The following PTOV1 variants were observed in gnomAD, a reference collection of about 807,000 sequenced individuals.
PTOV1 encodes prostate tumor-overexpressed gene 1 protein.
Under a neutral mutation model 58.0 loss-of-function variants are expected in PTOV1, and 20 were observed. That is an observed-to-expected ratio of 0.34 (90% confidence interval 0.24 to 0.50). The LOEUF (loss-of-function observed/expected upper bound fraction) is 0.50, where lower values mean the gene tolerates loss of function less well. Ranked by LOEUF, PTOV1 falls within the 20% of genes least tolerant of loss-of-function variation. The pLI is 0.98. For missense variants in PTOV1, 593 were observed against 565.4 expected, an observed-to-expected ratio of 1.05 and a Z score of -0.50; for synonymous variants, 335 against 234.2, an observed-to-expected ratio of 1.43 and a Z score of -3.93.
At chr19:49,850,865 G>A (rs2074211866), upstream of PTOV1, 2 of 1,535,574 alleles carry the variant, frequency 1.3e-6, no homozygotes, top group South Asian at 2.4e-5. Context: ...CTGGCTCTGC[G>A]GGCCCAGGGC....
At chr19:49,857,458 C>T in intron 6 of PTOV1, 4 of 610,612 alleles carry the variant, frequency 6.6e-6, no homozygotes, top group South Asian at 3.9e-5. Context: ...CCAGTTGAGG[C>T]AGACTCTGCA....
At chr19:49,858,549 A>C (rs769896462) in exon 10 of PTOV1, 1 of 1,595,294 alleles carries the variant, frequency 6.3e-7, no homozygotes, top group South Asian at 1.1e-5. Flanking sequence ...TTCCCCGCAG[A>C]CCACCCTAGT....
chr19:49,855,962 C>T (rs550593765), intron 5 of PTOV1, among the ~76,000 whole-genome samples: 14 of 152,020 alleles, frequency 9.2e-5, no homozygotes, highest in African/African-American at 2.9e-4. Flanking sequence ...GGGGTGGGAG[C>T]GAGTTGTCTG....
At position 49,858,219 on chromosome 19, in the gene PTOV1, G is replaced by A. The variant is rs988214868; in HGVS notation, c.936+105G>A. 4 of 1,397,738 alleles carry A rather than the reference G, an allele frequency of 2.9e-6. No individual in the cohort carries two copies. In the African/African-American group the frequency reaches 5.7e-5, roughly 20 times the overall value. The allele number at this position is 1,397,738 out of a possible 1,614,324, so 86.6% of individuals were successfully genotyped here. On this transcript the variant is annotated intron_variant, in intron 9 of 11. Coordinates refer to ENST00000391842, the Ensembl canonical transcript of PTOV1. ...CCAGGTGGCCTGAGCTGGCTGTGAG[G>A]GAGCGGAGCTGAGGGTGCTGAAGCA...
At chr19:49,858,718 G>C in intron 10 of PTOV1, 65 bp downstream of exon 10, 2 of 1,340,300 alleles carry the variant, frequency 1.5e-6, no homozygotes, top group Non-Finnish European at 1.0e-6. Context: ...GACCGCTCAC[G>C]GGGGCGGACA....
At chr19:49,851,658 G>C in intron 1 of PTOV1, 159 bp downstream of exon 1, 1 of 1,126,092 alleles carries the variant, frequency 8.9e-7, no homozygotes, top group Non-Finnish European at 1.1e-6. Context: ...TGGAGCACCC[G>C]GTGGTTCGCG....
At chr19:49,852,473 T>C (rs2074292067) in intron 1 of PTOV1, 1 of 152,252 alleles carries the variant, frequency 6.6e-6, no homozygotes, top group Non-Finnish European at 1.5e-5. Context: ...GTGCAAGTAC[T>C]AGATGGGCTT....
chr19:49,854,308 G>T, intron 1 of PTOV1, 98 bp from the exon 2 acceptor site: 1 of 1,478,304 alleles, frequency 6.8e-7, no homozygotes. Flanking sequence ...GGGGATTTGG[G>T]GCTGAATATT....
In PTOV1 at chr19:49,854,962, G is replaced by A. The variant is rs781224439; in HGVS notation, c.451-8G>A. ...GGCTGACCCAGCTGTCTGTCCTGTC[G>A]CCCCCAGACCACCCTGGGCCCCCTG... is the stretch of plus-strand genomic sequence containing the variant. On this transcript the variant is annotated splice_polypyrimidine_tract_variant and splice_region_variant and intron_variant, in intron 4 of 11. Transcript: ENST00000391842. 63 of 1,595,130 alleles carry A rather than the reference G, an allele frequency of 3.9e-5. No individual in the cohort carries two copies. The highest frequency in any genetic ancestry group is 4.7e-5 in the Non-Finnish European group (55 of 1,172,604).
chr19:49,860,633 G>T, exon 12 of PTOV1: 1 of 451,094 alleles, frequency 2.2e-6, no homozygotes, highest in Non-Finnish European at 3.9e-6. Flanking sequence ...TTCTGAGCAG[G>T]GGCCCCTGGG....
chr19:49,858,456 G>C (rs1288943670), intron 9 of PTOV1, 93 bp from the exon 10 acceptor site: 6 of 1,009,664 alleles, frequency 5.9e-6, no homozygotes, highest in Admixed American at 4.1e-5. Context: ...GGGAGTCTCA[G>C]TTTGGTCCTG....
chr19:49,860,389 G>T (rs2074702145), exon 12 of PTOV1: 3 of 1,203,040 alleles, frequency 2.5e-6, no homozygotes, highest in Admixed American at 4.9e-5. Context: ...TGTGGGGGGG[G>T]TGGGGTTGGG....
At chr19:49,853,953 G>T (rs1326875908) in intron 1 of PTOV1, among the ~76,000 whole-genome samples, 3 of 152,246 alleles carry the variant, frequency 2.0e-5, no homozygotes, top group African/African-American at 4.8e-5. Flanking sequence ...TTCAGCCTGG[G>T]AAAGACAGGG....
chr19:49,858,777 T>G (rs1600396570), intron 10 of PTOV1, 124 bp downstream of exon 10: 2 of 820,764 alleles, frequency 2.4e-6, no homozygotes, highest in South Asian at 3.2e-5. Flanking sequence ...GGAGAGAGGG[T>G]GGCTAGTGTG....
chr19:49,859,940 G>A, intron 10 of PTOV1, 46 bp from the exon 11 acceptor site: 1 of 1,597,260 alleles, frequency 6.3e-7, no homozygotes. Context: ...GAGGGATGCT[G>A]GTCCCTGTGG....
chr19:49,851,040 G>A (rs771118517), upstream of PTOV1: 3 of 1,519,578 alleles, frequency 2.0e-6, no homozygotes, highest in South Asian at 1.2e-5. Context: ...GAGGCCCGCA[G>A]GACCGCCGAG....
At chr19:49,860,502 C>T (rs976915339) in exon 12 of PTOV1, 2 of 678,910 alleles carry the variant, frequency 2.9e-6, no homozygotes, top group East Asian at 5.5e-5. Context: ...AGCCTCAGGG[C>T]CATGGGAGGT....
chr19:49,860,399 G>T (rs546321133), exon 12 of PTOV1: 4 of 517,954 alleles, frequency 7.7e-6, no homozygotes, highest in South Asian at 1.8e-5. Context: ...GTGGGGTTGG[G>T]AAAGAAGCAG....
At position 49,854,021 on chromosome 19, in the gene PTOV1, A is replaced by G. The variant is rs571182086; in HGVS notation, c.172-385A>G. ...CCGGCTTGTGCCTGTGGAGGCTGCA[A>G]GGAAGCCCTGGGCCCAGCCTGGGGC... is the stretch of plus-strand genomic sequence containing the variant. On this transcript the variant is annotated intron_variant, in intron 1 of 11. Transcript: ENST00000391842. Among the ~76,000 whole-genome samples, 100 of 152,326 alleles carry G rather than the reference A, an allele frequency of 6.6e-4. 1 individual carries two copies. In the South Asian group the frequency reaches 0.017, roughly 26 times the overall value.
Sources: gnomAD v4.1 joint callset for allele counts (sites outside exome capture counted in the v4.1 genomes callset) on GRCh38, gnomAD v4.1.1 for gene constraint, MANE v1.5 for transcripts, NCBI Gene and HGNC (gene_info 2026-07-23, HGNC 2026-07-21) for gene names.